The following TENM2 variants were observed in gnomAD, a reference collection of about 807,000 sequenced individuals.
The protein encoded by TENM2 is teneurin-2.
TENM2 carries 52 observed loss-of-function variants against 245.2 expected under a neutral mutation model. That is an observed-to-expected ratio of 0.21 (90% confidence interval 0.17 to 0.27). The LOEUF is 0.27. Among genes scored for constraint, TENM2 ranks in the 10% least tolerant of loss-of-function variants. The pLI is 1.00. For synonymous variants in TENM2, 1,363 were observed against 1,438.9 expected, an observed-to-expected ratio of 0.95 and a Z score of 1.19; for missense variants, 3,046 against 3,666.8, an observed-to-expected ratio of 0.83 and a Z score of 4.37.
chr5:167,108,186 T>TA, the TENM2 span, among the ~76,000 whole-genome samples: 666 of 152,268 alleles, frequency 4.4e-3, 5 homozygotes, highest in Non-Finnish European at 7.2e-3. Context: ...AGTGCAGTGG[T>TA]GCAATCTCGA....
chr5:167,592,239 C>G (rs1428930760), intron 2 of TENM2, among the ~76,000 whole-genome samples: 2 of 152,194 alleles, frequency 1.3e-5, no homozygotes, highest in Non-Finnish European at 2.9e-5. Flanking sequence ...TTAAAAGCAT[C>G]CCAAAGTTGT....
At chr5:167,962,266 G>A (rs576645414) in intron 4 of TENM2, among the ~76,000 whole-genome samples, 1 of 151,098 alleles carries the variant, frequency 6.6e-6, no homozygotes, top group Non-Finnish European at 1.5e-5. Flanking sequence ...GAAGATAGGA[G>A]TGCCAAAACC....
At chr5:167,588,837 T>C (rs1394730104) in intron 2 of TENM2, among the ~76,000 whole-genome samples, 1 of 152,186 alleles carries the variant, frequency 6.6e-6, no homozygotes, top group Non-Finnish European at 1.5e-5. Context: ...TCATTTATGA[T>C]TGGAACCCAT....
intron 2 of TENM2, among the ~76,000 whole-genome samples, chr5:167,717,121 ATT>A: frequency 6.6e-6 from 1 of 151,790 alleles, no homozygotes; most frequent in Non-Finnish European, 1.5e-5. Context: ...CACCTGGCTA[ATT>A]TTTTGTATGT....
chr5:167,918,564 T>C lies in TENM2; in HGVS notation c.713-34024T>C, dbSNP rs1175579949. Among the ~76,000 whole-genome samples, 4 of 152,158 alleles carry C rather than the reference T, an allele frequency of 2.6e-5. No homozygotes were observed. The East Asian group carries it at 5.8e-4, about 22-fold the overall frequency. On this transcript the variant is annotated intron_variant, in intron 3 of 28. Coordinates refer to ENST00000518659, the Ensembl canonical transcript of TENM2. Reference sequence around the variant, plus strand: ...GGACTGGAATTGACACTGGAGTAATTAGGAATGAATTCTCAGATCTTGACT... The same window carrying C: ...GGACTGGAATTGACACTGGAGTAATCAGGAATGAATTCTCAGATCTTGACT...
chr5:168,097,509 C>T (rs1190591620), intron 8 of TENM2, among the ~76,000 whole-genome samples: 1 of 152,218 alleles, frequency 6.6e-6, no homozygotes, highest in African/African-American at 2.4e-5. Context: ...ACTGCAACCT[C>T]TGCCTCCTGG....
At chr5:167,057,879 A>G in the TENM2 span, among the ~76,000 whole-genome samples, 2 of 152,064 alleles carry the variant, frequency 1.3e-5, no homozygotes, top group African/African-American at 4.8e-5. Context: ...ACTCACAAAT[A>G]TGTTGGAGCC....
At chr5:167,152,920 C>T in the TENM2 span, among the ~76,000 whole-genome samples, 5 of 152,142 alleles carry the variant, frequency 3.3e-5, no homozygotes, top group South Asian at 2.1e-4. Context: ...TAACTGAAAG[C>T]ATGGGAAGTA....
chr5:167,496,400 A>G (rs567073108), intron 2 of TENM2, among the ~76,000 whole-genome samples: 4 of 152,236 alleles, frequency 2.6e-5, no homozygotes, highest in East Asian at 1.9e-4. Context: ...GAGAAACTCA[A>G]TGTCACAGAG....
intron 2 of TENM2, among the ~76,000 whole-genome samples, chr5:167,612,339 C>G (rs1182406109): frequency 6.6e-6 from 1 of 152,046 alleles, no homozygotes; most frequent in African/African-American, 2.4e-5. Context: ...TGGAAACGAA[C>G]TCACCCAACC....
chr5:167,336,175 CCT>C lies in TENM2; in HGVS notation c.227-39022_227-39021del, dbSNP rs1757741105. ...CTCATCCAATGTTCTTTTCATTTCT[CCT>C]TTTTTTTTTTTTTTTTTTTTTTTCC... On this transcript the variant is annotated intron_variant, in intron 1 of 28. Transcript: ENST00000518659. Among the ~76,000 whole-genome samples, 5 of 129,862 alleles carry C rather than the reference CCT, an allele frequency of 3.9e-5. No homozygotes were observed. In the South Asian group the frequency reaches 1.3e-3, roughly 33 times the overall value. The allele number at this position is 129,862 out of a possible 152,430, so 85.2% of individuals were successfully genotyped here.
intron 1 of TENM2, among the ~76,000 whole-genome samples, chr5:167,292,992 G>A (rs1275429624): frequency 6.6e-6 from 1 of 152,208 alleles, no homozygotes; most frequent in Non-Finnish European, 1.5e-5. Context: ...GGATGTCAAA[G>A]AAGTGTAGGT....
intron 5 of TENM2, among the ~76,000 whole-genome samples, chr5:168,009,504 T>TC (rs1198058864): frequency 9.2e-5 from 14 of 152,056 alleles, no homozygotes; most frequent in Admixed American, 7.9e-4. Context: ...TTTGCCCTCC[T>TC]CCCCCCGCCC....
intron 2 of TENM2, among the ~76,000 whole-genome samples, chr5:167,870,597 ATG>A (rs1772737140): frequency 6.8e-6 from 1 of 146,452 alleles, no homozygotes; most frequent in Admixed American, 6.9e-5. Context: ...ATGTATATAT[ATG>A]TGTATATATG....
chr5:167,702,031 T>C (rs1300412864), intron 2 of TENM2, among the ~76,000 whole-genome samples: 7 of 152,296 alleles, frequency 4.6e-5, no homozygotes, highest in African/African-American at 1.7e-4. Flanking sequence ...TTTTCAACCA[T>C]TTTGAAGATT....
rs1334925083 is a variant in TENM2, at chr5:168,035,269, A to G, written c.1187-12158A>G. Among the ~76,000 whole-genome samples, 3 of 152,240 alleles carry G rather than the reference A, an allele frequency of 2.0e-5. No homozygotes were observed. The East Asian group carries it at 5.8e-4, about 30-fold the overall frequency. On this transcript the variant is annotated intron_variant, in intron 5 of 28. Coordinates refer to ENST00000518659, the Ensembl canonical transcript of TENM2. Reference sequence around the variant, plus strand: ...ACGCCTGTAATCCCAGTACTGTGGGAGCAGATGACCTGAGGTCAGGAGTTT... The same window carrying G: ...ACGCCTGTAATCCCAGTACTGTGGGGGCAGATGACCTGAGGTCAGGAGTTT...
At chr5:167,811,999 G>A (rs1766678490) in intron 2 of TENM2, among the ~76,000 whole-genome samples, 1 of 152,180 alleles carries the variant, frequency 6.6e-6, no homozygotes, top group Non-Finnish European at 1.5e-5. Flanking sequence ...GCTGGGGAAG[G>A]TAGAGGACAT....
chr5:167,089,019 C>A, the TENM2 span, among the ~76,000 whole-genome samples: 4 of 152,320 alleles, frequency 2.6e-5, no homozygotes, highest in Admixed American at 2.0e-4. Context: ...ACCTGATAAT[C>A]ACAAGCCTTC....
chr5:167,693,305 TG>T (rs1757553167), intron 2 of TENM2, among the ~76,000 whole-genome samples: 1 of 152,194 alleles, frequency 6.6e-6, no homozygotes, highest in Non-Finnish European at 1.5e-5. Flanking sequence ...TGGTTGGTCA[TG>T]GAAAATTGAG....
Sources: gnomAD v4.1 joint callset for allele counts (sites outside exome capture counted in the v4.1 genomes callset) on GRCh38, gnomAD v4.1.1 for gene constraint, MANE v1.5 for transcripts, NCBI Gene and HGNC (gene_info 2026-07-23, HGNC 2026-07-21) for gene names.